Variants in PATJ observed in about 807,000 individuals in gnomAD.
The protein encoded by PATJ is PATJ crumbs cell polarity complex component, also known as inaD-like protein.
In PATJ, 190 loss-of-function variants were observed where a neutral mutation model predicts 224.9. The observed-to-expected ratio is 0.84, with a 90% CI of 0.75 to 0.95. PATJ has a LOEUF of 0.95. Ranked by LOEUF, PATJ falls within the 40% of genes least tolerant of loss-of-function variation. The pLI, the probability that PATJ is intolerant of heterozygous loss-of-function variation, is 0.00. For synonymous variants in PATJ, 769 were observed against 820.3 expected, an observed-to-expected ratio of 0.94 and a Z score of 1.07; for missense variants, 2,121 against 2,270.3, an observed-to-expected ratio of 0.93 and a Z score of 1.34.
intron 17 of PATJ, among the ~76,000 whole-genome samples, chr1:61,841,136 A>T (rs573303696): frequency 6.6e-6 from 1 of 151,804 alleles, no homozygotes; most frequent in Non-Finnish European, 1.5e-5. Flanking sequence ...AGTGCCCCAA[A>T]CTCTATTTCT....
chr1:61,966,763 C>T (rs907079555), intron 27 of PATJ, among the ~76,000 whole-genome samples: 2 of 151,536 alleles, frequency 1.3e-5, no homozygotes, highest in Admixed American at 6.6e-5. Flanking sequence ...CAGCTGGTTG[C>T]CCATTTTTAT....
chr1:62,112,104 T>G (rs1663894117), intron 34 of PATJ, among the ~76,000 whole-genome samples: 1 of 152,228 alleles, frequency 6.6e-6, no homozygotes, highest in African/African-American at 2.4e-5. Context: ...CAGTTTTAAA[T>G]GGCAGTTCAA....
intron 34 of PATJ, among the ~76,000 whole-genome samples, chr1:62,109,679 A>G (rs1663560787): frequency 6.6e-6 from 1 of 152,206 alleles, no homozygotes; most frequent in Non-Finnish European, 1.5e-5. Flanking sequence ...TGTTATCATA[A>G]TTGGCTTTTT....
intron 29 of PATJ, among the ~76,000 whole-genome samples, chr1:62,029,438 CGAGTTTATATTA>C (rs962716941): frequency 2.0e-5 from 3 of 152,028 alleles, no homozygotes; most frequent in Non-Finnish European, 2.9e-5. Flanking sequence ...GTGTTCTTTT[CGAGTTTATATTA>C]GAGTATCCCA....
intron 1 of PATJ, among the ~76,000 whole-genome samples, chr1:61,743,038 G>A (rs1200848554): frequency 1.3e-5 from 2 of 152,158 alleles, no homozygotes; most frequent in Non-Finnish European, 2.9e-5. Flanking sequence ...ATCGGTGGCC[G>A]TGGAAGGAGG....
At chr1:61,827,370 G>T (rs989439688) in intron 15 of PATJ, 52 bp from the exon 16 acceptor site, 5 of 1,457,008 alleles carry the variant, frequency 3.4e-6, no homozygotes, top group Middle Eastern at 1.8e-4. Flanking sequence ...AGAGATTTTT[G>T]TTTTTTCATT....
intron 15 of PATJ, among the ~76,000 whole-genome samples, chr1:61,826,327 C>T (rs1403998419): frequency 2.0e-5 from 3 of 152,168 alleles, no homozygotes; most frequent in Admixed American, 6.5e-5. Flanking sequence ...AGGGCTTCTC[C>T]GAGTAAAGTC....
intron 7 of PATJ, among the ~76,000 whole-genome samples, chr1:61,780,441 G>A (rs867478437): frequency 5.3e-5 from 8 of 152,180 alleles, no homozygotes; most frequent in Non-Finnish European, 1.0e-4. Flanking sequence ...CTGCAGCCTG[G>A]GCGACAGAGC....
chr1:61,742,897 C>T (rs1355443497), intron 1 of PATJ, among the ~76,000 whole-genome samples: 2 of 152,012 alleles, frequency 1.3e-5, no homozygotes, highest in Non-Finnish European at 2.9e-5. Flanking sequence ...GGAGGGGCGC[C>T]GCCCCGCCTC....
chr1:61,968,369 T>A (rs1461778830), intron 27 of PATJ, among the ~76,000 whole-genome samples: 2 of 152,178 alleles, frequency 1.3e-5, no homozygotes, highest in African/African-American at 2.4e-5. Flanking sequence ...CGTAAATACC[T>A]TTTCAAGGGT....
intron 25 of PATJ, among the ~76,000 whole-genome samples, chr1:61,912,336 G>A (rs867636763): frequency 3.9e-5 from 6 of 152,118 alleles, no homozygotes; most frequent in South Asian, 2.1e-4. Context: ...GCTCACGCCT[G>A]TAATCCCAGC....
Position 62,040,113 on chromosome 1 carries a change from C to CT in PATJ, c.4032+2078dup, listed in dbSNP as rs557531285. On this transcript the variant is annotated intron_variant, in intron 30 of 43. Coordinates refer to ENST00000642238, the MANE Select transcript of PATJ (RefSeq NM_001350145.3). The stretch of plus-strand genomic sequence containing the variant: ...GGCATTTCTTTCTTCCTCTTTCTTC[C>CT]TTTTTTTTTTTTTTGAAATGGAGTC... Among the ~76,000 whole-genome samples, 786 of 142,108 alleles carry CT rather than the reference C, an allele frequency of 5.5e-3. 9 individuals carry two copies. Among genetic ancestry groups the CT allele is most frequent in the African/African-American group, 0.015 (580 of 38,848 alleles). 93.2% of individuals were successfully genotyped at this position (142,108 alleles called of 152,430 possible).
chr1:62,150,809 G>C lies in PATJ; in HGVS notation c.5378+2419G>C, dbSNP rs545113358. Among the ~76,000 whole-genome samples the C allele has an allele frequency of 3.8e-3, 415 of 110,640 alleles. 1 individual carries two copies. The highest frequency in any genetic ancestry group is 0.014 in the African/African-American group (396 of 28,690). 72.6% of individuals were successfully genotyped at this position (110,640 alleles called of 152,430 possible). ...GGCCTGGGCAACATGGTCAGACCCTGTGTTTATAAAAAAATGTAAAGACAA... is the reference window on the plus strand; with the variant it reads ...GGCCTGGGCAACATGGTCAGACCCTCTGTTTATAAAAAAATGTAAAGACAA... On this transcript the variant is annotated intron_variant, in intron 42 of 43. Transcript: ENST00000642238.
At chr1:61,775,483 T>C (rs548588706) in intron 7 of PATJ, 149 bp downstream of exon 7, 9 of 683,914 alleles carry the variant, frequency 1.3e-5, no homozygotes, top group African/African-American at 1.3e-4. Context: ...CTGTAAGTAT[T>C]ATTAGGCTAC....
chr1:61,864,680 C>T (rs369560818), intron 20 of PATJ, 47 bp downstream of exon 20: 32 of 1,506,868 alleles, frequency 2.1e-5, no homozygotes, highest in Middle Eastern at 1.7e-4. Context: ...CTGCTCTCCT[C>T]GCCTGTCCCT....
chr1:61,752,424 C>G (rs1645391307), intron 1 of PATJ, among the ~76,000 whole-genome samples: 1 of 148,088 alleles, frequency 6.8e-6, no homozygotes, highest in Non-Finnish European at 1.5e-5. Context: ...AGCGATTCTT[C>G]TGCCTCAGAC....
rs1669809293 is a variant in PATJ, at chr1:62,161,251, C to A, written c.*197C>A. ...AATCATCTCCTAATGTTTCCCAGTT[C>A]CTGTCACCTGTTGGCGAGGTTGATT... On this transcript the variant is annotated 3_prime_UTR_variant, in exon 44 of 44. Transcript: ENST00000642238. The A allele has an allele frequency of 2.4e-6, 1 of 408,738 alleles. No individual in the cohort carries two copies. The highest frequency in any genetic ancestry group is 4.3e-5 in the Admixed American group (1 of 23,416). 25.3% of individuals were successfully genotyped at this position (408,738 alleles called of 1,614,324 possible). A position where few individuals can be genotyped will look rare whatever the true frequency, so the allele number is the denominator to read the frequency against.
intron 42 of PATJ, among the ~76,000 whole-genome samples, chr1:62,148,941 A>C (rs906223998): frequency 6.6e-6 from 1 of 152,062 alleles, no homozygotes; most frequent in African/African-American, 2.4e-5. Flanking sequence ...AGCCTGGCCA[A>C]CATGATGAAA....
At chr1:62,136,655 GTGTGTGTGTC>G (rs58474778) in intron 41 of PATJ, among the ~76,000 whole-genome samples, 45,783 of 109,512 alleles carry the variant, frequency 0.42, 7,215 homozygotes, top group East Asian at 0.63. Flanking sequence ...TTGCGTGTGT[GTGTGTGTGTC>G]TGTGTGTGTG....
Sources: gnomAD v4.1 joint callset for allele counts (sites outside exome capture counted in the v4.1 genomes callset) on GRCh38, gnomAD v4.1.1 for gene constraint, MANE v1.5 for transcripts, NCBI Gene and HGNC (gene_info 2026-07-23, HGNC 2026-07-21) for gene names.